Variants in PTPRD observed in about 807,000 individuals in gnomAD.
PTPRD encodes receptor-type tyrosine-protein phosphatase delta.
In PTPRD, 34 loss-of-function variants were observed where a neutral mutation model predicts 214.5. The ratio of observed to expected loss-of-function variants is 0.16; its 90% CI spans 0.12 to 0.21. The LOEUF (loss-of-function observed/expected upper bound fraction) is 0.21, where lower values mean the gene tolerates loss of function less well. PTPRD is among the 10% of genes least tolerant of loss of function. PTPRD has a pLI of 1.00. For missense variants in PTPRD, 2,545 were observed against 2,398.7 expected, an observed-to-expected ratio of 1.06 and a Z score of -1.27; for synonymous variants, 1,128 against 845.7, an observed-to-expected ratio of 1.33 and a Z score of -5.79.
chr9:10,142,946 T>TA (rs36187396), intron 3 of PTPRD, among the ~76,000 whole-genome samples: 4 of 151,566 alleles, frequency 2.6e-5, no homozygotes, highest in Admixed American at 1.3e-4. Context: ...TATGCAGCCA[T>TA]AAAAAATGAT....
chr9:9,539,244 T>C (rs958786063), intron 8 of PTPRD, among the ~76,000 whole-genome samples: 6 of 151,796 alleles, frequency 4.0e-5, no homozygotes, highest in African/African-American at 1.4e-4. Flanking sequence ...GAAGAATCAG[T>C]GGCAGGTACC....
chr9:9,220,262 C>T (rs1398784735), intron 9 of PTPRD, among the ~76,000 whole-genome samples: 2 of 149,932 alleles, frequency 1.3e-5, no homozygotes, highest in Non-Finnish European at 3.0e-5. Flanking sequence ...TTTTAGTGCT[C>T]TGCCTATGGG....
intron 11 of PTPRD, among the ~76,000 whole-genome samples, chr9:8,767,554 T>TC (rs2094855663): frequency 6.6e-6 from 1 of 152,192 alleles, no homozygotes; most frequent in African/African-American, 2.4e-5. Flanking sequence ...TGAGTGACTA[T>TC]CAGTGAGGGT....
intron 2 of PTPRD, among the ~76,000 whole-genome samples, chr9:10,346,423 G>T (rs1025753701): frequency 6.6e-6 from 1 of 151,952 alleles, no homozygotes; most frequent in African/African-American, 2.4e-5. Flanking sequence ...TAAAGTATGA[G>T]GAGGACAAAA....
chr9:10,108,308 T>A (rs963586463), intron 3 of PTPRD, among the ~76,000 whole-genome samples: 3 of 152,162 alleles, frequency 2.0e-5, no homozygotes, highest in Non-Finnish European at 4.4e-5. Context: ...AAACGTATTT[T>A]TTTTGTAGCG....
rs1452657196 is a variant in PTPRD at position 10,180,048 on chromosome 9, G to C, written c.-544-146258C>G. On this transcript the variant is annotated intron_variant, in intron 3 of 45. Coordinates refer to ENST00000381196, the MANE Select transcript of PTPRD (RefSeq NM_002839.4). ...ATTAGTAGGCTAATCAGAAGATAGA[G>C]ACTTACAATTTTTAACTTATTAAAA... Among the ~76,000 whole-genome samples the C allele has an allele frequency of 2.1e-5, 3 of 141,732 alleles. No homozygotes were observed. The Admixed American group carries it at 2.1e-4, about 10-fold the overall frequency. The allele number at this position is 141,732 out of a possible 152,430, so 93.0% of individuals were successfully genotyped here.
chr9:8,879,323 G>A (rs1270342389), intron 11 of PTPRD, among the ~76,000 whole-genome samples: 1 of 152,182 alleles, frequency 6.6e-6, no homozygotes, highest in Non-Finnish European at 1.5e-5. Context: ...GAGAGGGTCA[G>A]TAATGAGTAC....
At chr9:10,548,401 C>T (rs1033353188) in intron 2 of PTPRD, among the ~76,000 whole-genome samples, 3 of 152,046 alleles carry the variant, frequency 2.0e-5, no homozygotes, top group Non-Finnish European at 4.4e-5. Flanking sequence ...CTTCATATAT[C>T]AGGCCTACTG....
chr9:8,319,685 G>A (rs1825406241), intron 45 of PTPRD, 146 bp downstream of exon 45: 1 of 923,494 alleles, frequency 1.1e-6, no homozygotes, highest in Non-Finnish European at 1.6e-6. Flanking sequence ...TTAAAAAGGG[G>A]GAAAATGAGG....
At chr9:9,260,092 G>C (rs1253290188) in intron 9 of PTPRD, among the ~76,000 whole-genome samples, 1 of 151,814 alleles carries the variant, frequency 6.6e-6, no homozygotes, top group Non-Finnish European at 1.5e-5. Context: ...GCTTTGAGAT[G>C]ACATTGTGAA....
intron 4 of PTPRD, among the ~76,000 whole-genome samples, chr9:9,977,849 G>A (rs1032058986): frequency 6.6e-6 from 1 of 151,800 alleles, no homozygotes; most frequent in Non-Finnish European, 1.5e-5. Context: ...ACATTTAAAG[G>A]TCTATTTAAA....
At chr9:8,852,932 G>A (rs1230662221) in intron 11 of PTPRD, among the ~76,000 whole-genome samples, 1 of 152,146 alleles carries the variant, frequency 6.6e-6, no homozygotes, top group Admixed American at 6.5e-5. Context: ...TGCAGGCATT[G>A]TTTTAGTCCA....
intron 3 of PTPRD, among the ~76,000 whole-genome samples, chr9:10,298,735 A>C (rs927929405): frequency 6.6e-6 from 1 of 152,072 alleles, no homozygotes; most frequent in Admixed American, 6.6e-5. Flanking sequence ...AGTCTGAAAG[A>C]CATACCATAT....
rs535161858 is a variant in PTPRD at position 8,991,536 on chromosome 9, T to C, written c.-104+27161A>G. ...TACCCTCAGTCCTGTATGAAGGACT[T>C]GTGTATCTACATATTCCTAGTTCAT... On this transcript the variant is annotated intron_variant, in intron 11 of 45. Coordinates refer to ENST00000381196, the MANE Select transcript of PTPRD (RefSeq NM_002839.4). Among the ~76,000 whole-genome samples the C allele has an allele frequency of 5.3e-5, 8 of 152,242 alleles. No individual in the cohort carries two copies. In the South Asian group the frequency reaches 1.7e-3, roughly 32 times the overall value.
intron 2 of PTPRD, among the ~76,000 whole-genome samples, chr9:10,419,045 C>T (rs75971376): frequency 0.025 from 3,754 of 151,920 alleles, 102 homozygotes; most frequent in East Asian, 0.092. Context: ...CAGCACTAAG[C>T]CTGGCATTAG....
chr9:8,550,364 T>A (rs1351262779), intron 14 of PTPRD, among the ~76,000 whole-genome samples: 1 of 152,206 alleles, frequency 6.6e-6, no homozygotes, highest in Non-Finnish European at 1.5e-5. Context: ...TAGTAAATAC[T>A]TTAAAAATTT....
intron 8 of PTPRD, among the ~76,000 whole-genome samples, chr9:9,430,064 G>C (rs2082492894): frequency 6.6e-6 from 1 of 152,104 alleles, no homozygotes; most frequent in South Asian, 2.1e-4. Flanking sequence ...CAATCAGGCA[G>C]GAGAAAGAGA....
intron 5 of PTPRD, among the ~76,000 whole-genome samples, chr9:9,865,349 G>A (rs969727194): frequency 6.6e-6 from 1 of 152,194 alleles, no homozygotes; most frequent in Non-Finnish European, 1.5e-5. Flanking sequence ...ATCATGGATG[G>A]ATTAATCTAT....
intron 7 of PTPRD, among the ~76,000 whole-genome samples, chr9:9,615,586 C>T (rs951225716): frequency 2.0e-5 from 3 of 152,142 alleles, no homozygotes; most frequent in Non-Finnish European, 4.4e-5. Flanking sequence ...TTAAAGTACT[C>T]CCTCTTTAAC....
Sources: allele counts gnomAD v4.1 joint callset (sites outside exome capture counted in the v4.1 genomes callset), GRCh38; gene constraint gnomAD v4.1.1; transcripts MANE v1.5; gene names NCBI Gene and HGNC (gene_info 2026-07-23, HGNC 2026-07-21).